NRCAM: variants seen among roughly 807,000 people sequenced by gnomAD.
The protein encoded by NRCAM is neuronal cell adhesion molecule, also known as NgCAM-related cell adhesion molecule.
Under a neutral mutation model 156.5 loss-of-function variants are expected in NRCAM, and 83 were observed. The ratio of observed to expected loss-of-function variants is 0.53; its 90% CI spans 0.44 to 0.64. The LOEUF is 0.64. Ranked by LOEUF, NRCAM falls within the 30% of genes least tolerant of loss-of-function variation. The pLI is 0.00. For missense variants in NRCAM, 1,417 were observed against 1,597.3 expected (o/e 0.89, Z 1.92); for synonymous variants, 538 against 563.9 (o/e 0.95, Z 0.65).
In NRCAM at chr7:108,149,842, A is replaced by G; in HGVS notation, c.*68T>C. The G allele has an allele frequency of 8.0e-7, 1 of 1,249,480 alleles. No homozygotes were observed. 77.4% of individuals were successfully genotyped at this position (1,249,480 alleles called of 1,614,324 possible). On this transcript the variant is annotated 3_prime_UTR_variant, in exon 33 of 33. Coordinates refer to ENST00000379028, the MANE Select transcript of NRCAM (RefSeq NM_001037132.4). Reference sequence around the variant, plus strand: ...TCTACCCATATGTTCATAGTATGAGAGGGCTGACAAACAAGTGCTTAGGAT... The same window carrying G: ...TCTACCCATATGTTCATAGTATGAGGGGGCTGACAAACAAGTGCTTAGGAT...
chr7:108,369,312 C>T (rs993266658), intron 2 of NRCAM, among the ~76,000 whole-genome samples: 2 of 151,872 alleles, frequency 1.3e-5, no homozygotes, highest in African/African-American at 4.8e-5. Flanking sequence ...TAATTATTTA[C>T]CTTAGCAAAT....
chr7:108,369,588 G>A (rs986848165), intron 2 of NRCAM, among the ~76,000 whole-genome samples: 3 of 152,002 alleles, frequency 2.0e-5, no homozygotes, highest in Non-Finnish European at 4.4e-5. Flanking sequence ...ACATTTGTAG[G>A]GTTTGTTTTC....
intron 20 of NRCAM, among the ~76,000 whole-genome samples, chr7:108,188,379 CTGTG>C (rs71137612): frequency 1.2e-4 from 18 of 150,246 alleles, no homozygotes; most frequent in Middle Eastern, 3.5e-3. Flanking sequence ...TCTGAGTCCT[CTGTG>C]TGTGTGTGTG....
chr7:108,364,480 A>G (rs1293359867), intron 2 of NRCAM, among the ~76,000 whole-genome samples: 2 of 152,180 alleles, frequency 1.3e-5, no homozygotes, highest in Non-Finnish European at 2.9e-5. Context: ...GAGTTACTAT[A>G]TGACCCAGAG....
chr7:108,234,640 A>G lies in NRCAM; in HGVS notation c.173T>C (p.Ile58Thr), dbSNP rs1174230016. ...ITQQSPKDYI[I>T]DPRENIVIQC... ...GATTACAATATTCTCCCGAGGGTCAATAATGTAATCTTTTGGAGACTGTTG... is the reference window on the plus strand; with the variant it reads ...GATTACAATATTCTCCCGAGGGTCAGTAATGTAATCTTTTGGAGACTGTTG... Residue 58 changes from isoleucine (I) to threonine (T), a missense_variant, in exon 6 of 33, where the codon ATT (isoleucine) becomes ACT (threonine). Transcript: ENST00000379028. 1 of 1,613,422 alleles carries G rather than the reference A, an allele frequency of 6.2e-7. No homozygotes were observed. The highest frequency in any genetic ancestry group is 8.5e-7 in the Non-Finnish European group (1 of 1,179,512).
intron 1 of NRCAM, among the ~76,000 whole-genome samples, chr7:108,421,661 C>G (rs1275515496): frequency 6.6e-6 from 1 of 152,042 alleles, no homozygotes; most frequent in Non-Finnish European, 1.5e-5. Flanking sequence ...ATAAAAGAGG[C>G]AGGTATTGTT....
chr7:108,422,212 T>C (rs1810910518), intron 1 of NRCAM, among the ~76,000 whole-genome samples: 1 of 152,170 alleles, frequency 6.6e-6, no homozygotes, highest in South Asian at 2.1e-4. Flanking sequence ...ATGTTTCAAA[T>C]AAATTCCAAC....
intron 2 of NRCAM, among the ~76,000 whole-genome samples, chr7:108,394,382 T>C (rs4730309): frequency 6.6e-6 from 1 of 151,948 alleles, no homozygotes; most frequent in African/African-American, 2.4e-5. Flanking sequence ...GAGTTACAGA[T>C]TATATCATTT....
chr7:108,433,603 A>G (rs1456715215), intron 1 of NRCAM, among the ~76,000 whole-genome samples: 2 of 152,106 alleles, frequency 1.3e-5, no homozygotes, highest in African/African-American at 4.8e-5. Context: ...TTTTCACTGT[A>G]TTAGTTCCCT....
chr7:108,399,824 T>C (rs983037258), intron 1 of NRCAM, among the ~76,000 whole-genome samples: 2 of 152,156 alleles, frequency 1.3e-5, no homozygotes, highest in African/African-American at 4.8e-5. Flanking sequence ...ATAATTCCAA[T>C]TACATTGCAG....
In NRCAM at chr7:108,232,535, C is replaced by A; in HGVS notation, c.231-13G>T. On this transcript the variant is annotated splice_polypyrimidine_tract_variant and intron_variant, in intron 6 of 32. Coordinates refer to ENST00000379028, the MANE Select transcript of NRCAM (RefSeq NM_001037132.4). ...GGTCCAGGAAAAGCTGCCCAACACA[C>A]GAAGTGTTAAGTGTATTAATGGTCC... The A allele has an allele frequency of 1.3e-6, 2 of 1,598,008 alleles. 1 individual carries two copies. The highest frequency in any genetic ancestry group is 2.3e-5 in the South Asian group (2 of 88,234).
intron 1 of NRCAM, among the ~76,000 whole-genome samples, chr7:108,452,612 G>A (rs1385552574): frequency 2.0e-5 from 3 of 152,142 alleles, no homozygotes; most frequent in Non-Finnish European, 4.4e-5. Context: ...AAAATTTTAA[G>A]GGAAAAGCAT....
At chr7:108,201,491 A>G (rs535947616) in intron 13 of NRCAM, among the ~76,000 whole-genome samples, 2 of 152,360 alleles carry the variant, frequency 1.3e-5, no homozygotes, top group South Asian at 4.1e-4. Flanking sequence ...CTAGTTCTGA[A>G]GATCTGTTGC....
intron 3 of NRCAM, among the ~76,000 whole-genome samples, chr7:108,287,985 T>C (rs1270079837): frequency 6.6e-6 from 1 of 152,074 alleles, no homozygotes; most frequent in African/African-American, 2.4e-5. Context: ...CATCAATGGA[T>C]TGGATTTAAA....
intron 1 of NRCAM, among the ~76,000 whole-genome samples, chr7:108,453,521 C>A (rs1379655139): frequency 6.6e-6 from 1 of 152,138 alleles, no homozygotes; most frequent in African/African-American, 2.4e-5. Flanking sequence ...GCCTTCAGTC[C>A]AAAGACCTCA....
intron 5 of NRCAM, among the ~76,000 whole-genome samples, chr7:108,237,350 T>C (rs914250888): frequency 6.6e-6 from 1 of 152,180 alleles, no homozygotes; most frequent in East Asian, 1.9e-4. Flanking sequence ...AGCTGCCATC[T>C]TGTGTAAAGC....
intron 2 of NRCAM, among the ~76,000 whole-genome samples, chr7:108,365,667 C>G (rs547174264): frequency 2.0e-5 from 3 of 152,210 alleles, no homozygotes; most frequent in South Asian, 4.1e-4. Context: ...AAACAGCATG[C>G]CCTTCTTGGT....
At chr7:108,359,953 C>T (rs536687629) in intron 2 of NRCAM, among the ~76,000 whole-genome samples, 47 of 152,284 alleles carry the variant, frequency 3.1e-4, no homozygotes, top group African/African-American at 1.0e-3. Context: ...CATAACAATG[C>T]TATCATATAA....
intron 20 of NRCAM, 133 bp from the exon 21 acceptor site, chr7:108,184,747 C>T (rs527659873): frequency 4.6e-6 from 3 of 655,772 alleles, no homozygotes; most frequent in Non-Finnish European, 5.0e-6. Context: ...AAGAAAAATG[C>T]CATTAAAATA....
Sources: allele counts gnomAD v4.1 joint callset (sites outside exome capture counted in the v4.1 genomes callset), GRCh38; gene constraint gnomAD v4.1.1; transcripts MANE v1.5; gene names NCBI Gene and HGNC (gene_info 2026-07-23, HGNC 2026-07-21).